The following ZBTB37 variants were observed in gnomAD, a reference collection of about 807,000 sequenced individuals.
The protein encoded by ZBTB37 is zinc finger and BTB domain containing 37.
A neutral mutation model predicts 37.7 loss-of-function variants in ZBTB37; 15 were observed. That is an observed-to-expected ratio of 0.40 (90% CI 0.27 to 0.61). The LOEUF (loss-of-function observed/expected upper bound fraction) is 0.61. ZBTB37 is among the 20% of genes least tolerant of loss of function. The pLI is 0.44. For synonymous variants in ZBTB37, 231 were observed against 220.6 expected (o/e 1.05, Z -0.42); for missense variants, 514 against 641.9 (o/e 0.80, Z 2.15).
chr1:173,879,283 G>T (rs937712225), intron 4 of ZBTB37, among the ~76,000 whole-genome samples: 1 of 152,124 alleles, frequency 6.6e-6, no homozygotes, highest in African/African-American at 2.4e-5. Flanking sequence ...TGACTCAGGA[G>T]ATTGGAAACA....
At chr1:173,883,822 A>T (rs1353689793) in intron 4 of ZBTB37, among the ~76,000 whole-genome samples, 1 of 152,204 alleles carries the variant, frequency 6.6e-6, no homozygotes, top group African/African-American at 2.4e-5. Context: ...TCAGCATAGG[A>T]AGGGACAAAA....
chr1:173,880,216 T>G (rs1365586477), intron 4 of ZBTB37, among the ~76,000 whole-genome samples: 1 of 152,240 alleles, frequency 6.6e-6, no homozygotes, highest in Admixed American at 6.5e-5. Context: ...GTTTTATCTC[T>G]AAGTAATTCT....
chr1:173,883,779 A>T (rs2102746764), intron 4 of ZBTB37, among the ~76,000 whole-genome samples: 1 of 152,334 alleles, frequency 6.6e-6, no homozygotes, highest in Non-Finnish European at 1.5e-5. Context: ...ACCTGTTGAG[A>T]ACTGCCTCTA....
exon 4 of ZBTB37, chr1:173,900,390 T>C (rs1657209843): frequency 6.6e-6 from 1 of 152,190 alleles, no homozygotes; most frequent in Non-Finnish European, 1.5e-5. Flanking sequence ...TAAACGTGTT[T>C]TAATGGGTTT....
rs1005672534 is a variant in ZBTB37, at chr1:173,878,859, G to A, written c.1023+5293G>A. Among the ~76,000 whole-genome samples the A allele has an allele frequency of 1.1e-4, 16 of 152,146 alleles. No individual in the cohort carries two copies. The East Asian group carries it at 2.5e-3, about 24-fold the overall frequency. On this transcript the variant is annotated intron_variant, in intron 4 of 4. Transcript: ENST00000427304. Reference sequence around the variant, plus strand: ...AGCACTTTGGGAGGCTGAGATGGGCGGATCACTTGACATCAGGAGTGAGGT... The same window carrying A: ...AGCACTTTGGGAGGCTGAGATGGGCAGATCACTTGACATCAGGAGTGAGGT...
chr1:173,873,025 A>G (rs901577218), intron 3 of ZBTB37, among the ~76,000 whole-genome samples: 8 of 152,098 alleles, frequency 5.3e-5, no homozygotes, highest in Admixed American at 5.2e-4. Context: ...AAAAAAAGTA[A>G]TATCAATTTC....
At position 173,873,554 on chromosome 1, in the gene ZBTB37, A is replaced by G. The variant is rs1046650505; in HGVS notation, c.1011A>G (p.Gln337=). The change falls in exon 4 of 5, where the codon CAA becomes CAG. Residue 337 remains glutamine (Q), a synonymous_variant. Coordinates refer to ENST00000427304, the Ensembl canonical transcript of ZBTB37. ...CTGGGAGAATGGATGAGCCTAAGCAACCCAGCTCCCAGGTATGGAGTTGTG... is the reference window on the plus strand; with the variant it reads ...CTGGGAGAATGGATGAGCCTAAGCAGCCCAGCTCCCAGGTATGGAGTTGTG... The G allele has an allele frequency of 3.1e-6, 5 of 1,613,688 alleles. No individual in the cohort carries two copies. In the African/African-American group the frequency reaches 6.7e-5, roughly 22 times the overall value.
Position 173,901,301 on chromosome 1 carries a change from C to T in ZBTB37, c.*15177C>T, listed in dbSNP as rs191950927. 7 of 152,140 alleles carry T rather than the reference C, an allele frequency of 4.6e-5. 1 individual carries two copies. The East Asian group carries it at 1.3e-3, about 29-fold the overall frequency. 9.4% of individuals were successfully genotyped at this position (152,140 alleles called of 1,614,324 possible). On this transcript the variant is annotated 3_prime_UTR_variant, in exon 4 of 4. Coordinates refer to the ZBTB37 transcript ENST00000367701. ...ATTAATTTTTCATCTGCTATGATCT[C>T]TGTTCACAGTTTTAGCACATTGCAT...
rs750287948 is a variant in ZBTB37 at position 173,880,861 on chromosome 1, A to G, written c.1024-4775A>G. On this transcript the variant is annotated intron_variant, in intron 4 of 4. Coordinates refer to ENST00000427304, the Ensembl canonical transcript of ZBTB37. ...TGTGTGATGTTTGTGCTCACAGTTT[A>G]TCACTGATTACTAAAATGCATTTAC... is the stretch of plus-strand genomic sequence containing the variant. Among the ~76,000 whole-genome samples, 137 of 152,200 alleles carry G rather than the reference A, an allele frequency of 9.0e-4. 1 individual carries two copies. Among genetic ancestry groups the G allele is most frequent in the Non-Finnish European group, 4.1e-4 (28 of 68,038 alleles).
chr1:173,888,145 A>G (rs9425430), downstream of ZBTB37: 71,995 of 152,018 alleles, frequency 0.47, 20,099 homozygotes, highest in African/African-American at 0.77. Flanking sequence ...CTTTAGTTAG[A>G]CAACAGCATG....
At chr1:173,890,890 G>GA (rs1204408663), downstream of ZBTB37, 4 of 152,150 alleles carry the variant, frequency 2.6e-5, no homozygotes, top group Non-Finnish European at 1.5e-5. Flanking sequence ...GTACTTGTTA[G>GA]AAAAAATTTG....
At chr1:173,886,146 G>A (rs773778006) in exon 5 of ZBTB37, 1 of 1,540,750 alleles carries the variant, frequency 6.5e-7, no homozygotes, top group Non-Finnish European at 8.8e-7. Flanking sequence ...GGAGGGGGCT[G>A]ACCCTCTTCC....
chr1:173,880,305 C>G (rs1217589133), intron 4 of ZBTB37, among the ~76,000 whole-genome samples: 1 of 152,096 alleles, frequency 6.6e-6, no homozygotes, highest in Non-Finnish European at 1.5e-5. Context: ...CTTGTAAAAT[C>G]CTTAATTTTG....
chr1:173,873,707 G>A, intron 4 of ZBTB37, 141 bp downstream of exon 4: 1 of 1,336,378 alleles, frequency 7.5e-7, no homozygotes, highest in Non-Finnish European at 9.8e-7. Flanking sequence ...TTTCCCTGAG[G>A]GTAGCAGAAG....
At chr1:173,873,637 TGAAAAA>T (rs1655715759) in intron 4 of ZBTB37, 71 bp downstream of exon 4, 1 of 1,585,036 alleles carries the variant, frequency 6.3e-7, no homozygotes, top group East Asian at 2.3e-5. Context: ...TAGAAAATAA[TGAAAAA>T]GAAAAGATGT....
At chr1:173,877,373 C>CTTTTTTTT (rs58043559) in intron 4 of ZBTB37, among the ~76,000 whole-genome samples, 1 of 87,780 alleles carries the variant, frequency 1.1e-5, no homozygotes, top group South Asian at 4.1e-4. Flanking sequence ...GATTTTCTTT[C>CTTTTTTTT]TTTTTTTTTT....
At chr1:173,871,958 CTATA>C (rs1313288003) in intron 3 of ZBTB37, among the ~76,000 whole-genome samples, 4 of 152,170 alleles carry the variant, frequency 2.6e-5, no homozygotes, top group Non-Finnish European at 5.9e-5. Flanking sequence ...TTTAAATTGA[CTATA>C]TGAGCAAAGA....
At chr1:173,884,044 A>G (rs1458471869) in intron 4 of ZBTB37, among the ~76,000 whole-genome samples, 1 of 152,230 alleles carries the variant, frequency 6.6e-6, no homozygotes, top group African/African-American at 2.4e-5. Context: ...TTATTCCTCT[A>G]ATATAATGAC....
chr1:173,878,207 A>G (rs1656092088), intron 4 of ZBTB37, among the ~76,000 whole-genome samples: 1 of 152,146 alleles, frequency 6.6e-6, no homozygotes, highest in African/African-American at 2.4e-5. Context: ...TTTCCTTTTT[A>G]GGCTACTATT....
Sources: allele counts gnomAD v4.1 joint callset (sites outside exome capture counted in the v4.1 genomes callset), GRCh38; gene constraint gnomAD v4.1.1; transcripts MANE v1.5; gene names NCBI Gene and HGNC (gene_info 2026-07-23, HGNC 2026-07-21).